FRMD4A: variants seen among roughly 807,000 people sequenced by gnomAD.
The protein encoded by FRMD4A is FERM domain-containing protein 4A.
A neutral mutation model predicts 129.1 loss-of-function variants in FRMD4A; 29 were observed. That is an observed-to-expected ratio of 0.22 (90% CI 0.17 to 0.31). The LOEUF (loss-of-function observed/expected upper bound fraction) is 0.31, where lower values mean the gene tolerates loss of function less well. Ranked by LOEUF, FRMD4A falls within the 10% of genes least tolerant of loss-of-function variation. The probability of loss-of-function intolerance (pLI) is 1.00; values close to 1 mark genes in which losing one functional copy is unlikely to be tolerated. For synonymous variants in FRMD4A, 634 were observed against 571.6 expected (o/e 1.11, Z -1.56); for missense variants, 1,272 against 1,375.8 (o/e 0.92, Z 1.19).
intron 2 of FRMD4A, among the ~76,000 whole-genome samples, chr10:14,108,127 G>GGCTTT (rs1372518594): frequency 6.6e-6 from 1 of 152,078 alleles, no homozygotes; most frequent in Non-Finnish European, 1.5e-5. Flanking sequence ...CCAACCTGTG[G>GGCTTT]GCTTTTTTTC....
At chr10:13,740,314 C>G in intron 10 of FRMD4A, 63 bp from the exon 11 acceptor site, 1 of 1,105,476 alleles carries the variant, frequency 9.0e-7, no homozygotes. Context: ...AGTTATTCAG[C>G]AGATCTGGTA....
intron 2 of FRMD4A, among the ~76,000 whole-genome samples, chr10:14,049,974 G>A (rs911561178): frequency 5.3e-5 from 8 of 152,128 alleles, no homozygotes; most frequent in African/African-American, 1.7e-4. Context: ...TTCTCACGTC[G>A]ACAATATTTA....
At chr10:13,770,319 C>T (rs1362118086) in intron 6 of FRMD4A, among the ~76,000 whole-genome samples, 1 of 152,218 alleles carries the variant, frequency 6.6e-6, no homozygotes, top group Non-Finnish European at 1.5e-5. Context: ...CACTCATGCT[C>T]AGCCGCAACC....
intron 2 of FRMD4A, among the ~76,000 whole-genome samples, chr10:14,007,861 T>A (rs2095667628): frequency 6.6e-6 from 1 of 152,158 alleles, no homozygotes; most frequent in Admixed American, 6.5e-5. Context: ...GATCCACAAG[T>A]TACAAAAATT....
chr10:14,266,294 G>A (rs60481965), intron 2 of FRMD4A, among the ~76,000 whole-genome samples: 7,258 of 152,150 alleles, frequency 0.048, 310 homozygotes, highest in African/African-American at 0.11. Context: ...AAATGTCCTG[G>A]GGCTGGGAAG....
At position 13,955,693 on chromosome 10, in the gene FRMD4A, T is replaced by C. The variant is rs143801523; in HGVS notation, c.46-96781A>G. ...CTGATGGCAAGCTTATTTGCCAACG[T>C]GGAGCCAGTGCCCTGCCGGGGTCTA... On this transcript the variant is annotated intron_variant, in intron 2 of 24. Coordinates refer to ENST00000357447, the MANE Select transcript of FRMD4A (RefSeq NM_018027.5). Among the ~76,000 whole-genome samples the C allele has an allele frequency of 5.6e-4, 86 of 152,358 alleles. 2 individuals are homozygous for C. The highest frequency in any genetic ancestry group is 2.0e-3 in the African/African-American group (83 of 41,596).
chr10:14,144,656 C>T (rs961562301), intron 2 of FRMD4A, among the ~76,000 whole-genome samples: 3 of 152,164 alleles, frequency 2.0e-5, no homozygotes, highest in Non-Finnish European at 4.4e-5. Flanking sequence ...AGGGTGATCT[C>T]ATGCTGGGGT....
At chr10:14,173,859 C>T (rs1478561358) in intron 2 of FRMD4A, among the ~76,000 whole-genome samples, 2 of 151,930 alleles carry the variant, frequency 1.3e-5, no homozygotes, top group Middle Eastern at 3.2e-3. Flanking sequence ...GATCGCGCTG[C>T]CGTGCAGGCA....
chr10:14,100,306 C>T (rs1327702773), intron 2 of FRMD4A, among the ~76,000 whole-genome samples: 4 of 152,204 alleles, frequency 2.6e-5, no homozygotes, highest in Non-Finnish European at 4.4e-5. Context: ...TATAAATATT[C>T]GATGGCAGCC....
intron 2 of FRMD4A, among the ~76,000 whole-genome samples, chr10:14,016,929 T>A (rs7911614): frequency 0.021 from 3,175 of 152,300 alleles, 112 homozygotes; most frequent in African/African-American, 0.073. Context: ...TCAGCATCCT[T>A]GCAGGCTGTT....
chr10:13,864,237 C>T (rs1410591729), intron 2 of FRMD4A, among the ~76,000 whole-genome samples: 3 of 151,424 alleles, frequency 2.0e-5, no homozygotes, highest in Non-Finnish European at 2.9e-5. Flanking sequence ...CTCACGTGAT[C>T]TTCCCGCCTT....
At chr10:13,878,811 A>AGAGG (rs1316555424) in intron 2 of FRMD4A, among the ~76,000 whole-genome samples, 7 of 58,710 alleles carry the variant, frequency 1.2e-4, no homozygotes, top group East Asian at 5.5e-4. Context: ...AGAGAAAGAG[A>AGAGG]GAGGGAGGGA....
At chr10:13,824,894 CAAAAA>C (rs1165591899) in intron 3 of FRMD4A, among the ~76,000 whole-genome samples, 1 of 54,834 alleles carries the variant, frequency 1.8e-5, no homozygotes, top group African/African-American at 6.6e-5. Flanking sequence ...GACTCTGTCT[CAAAAA>C]AAAAAAAAAA....
At chr10:14,158,334 A>G (rs562110984) in intron 2 of FRMD4A, among the ~76,000 whole-genome samples, 1 of 152,200 alleles carries the variant, frequency 6.6e-6, no homozygotes, top group Non-Finnish European at 1.5e-5. Flanking sequence ...TCTGTGGTCA[A>G]GATTAGTGGC....
At chr10:13,946,431 T>G (rs2095332205) in intron 2 of FRMD4A, among the ~76,000 whole-genome samples, 1 of 152,166 alleles carries the variant, frequency 6.6e-6, no homozygotes, top group Non-Finnish European at 1.5e-5. Context: ...AAATTCTAGG[T>G]GCTCCTATGT....
intron 14 of FRMD4A, among the ~76,000 whole-genome samples, chr10:13,700,654 G>A (rs2086724738): frequency 6.6e-6 from 1 of 151,992 alleles, no homozygotes; most frequent in South Asian, 2.1e-4. Context: ...GGAAGAGGGG[G>A]CAGAGTGTTG....
At chr10:13,672,681 G>A (rs1390179334) in intron 16 of FRMD4A, among the ~76,000 whole-genome samples, 2 of 151,870 alleles carry the variant, frequency 1.3e-5, no homozygotes, top group East Asian at 3.8e-4. Context: ...CCTCGGCTTG[G>A]TGCCTCCCTA....
chr10:13,949,372 TAA>T (rs200166030), intron 2 of FRMD4A, among the ~76,000 whole-genome samples: 1,585 of 151,920 alleles, frequency 0.01, 18 homozygotes, highest in Non-Finnish European at 0.015. Flanking sequence ...TTGCATTTTC[TAA>T]AAGTTAACTT....
chr10:14,238,515 ATTT>A (rs1272285014), intron 2 of FRMD4A, among the ~76,000 whole-genome samples: 1 of 151,786 alleles, frequency 6.6e-6, no homozygotes, highest in African/African-American at 2.4e-5. Context: ...TTATTTTATT[ATTT>A]ATTTATTTAT....
Sources: gnomAD v4.1 joint callset for allele counts (sites outside exome capture counted in the v4.1 genomes callset) on GRCh38, gnomAD v4.1.1 for gene constraint, MANE v1.5 for transcripts, NCBI Gene and HGNC (gene_info 2026-07-23, HGNC 2026-07-21) for gene names.